INTS1: variants seen among roughly 807,000 people sequenced by gnomAD.
INTS1 encodes the protein integrator complex subunit 1.
In INTS1, 137 loss-of-function variants were observed where a neutral mutation model predicts 241.6. That is an observed-to-expected ratio of 0.57 (90% CI 0.49 to 0.65). INTS1 has a LOEUF of 0.65. Among genes scored for constraint, INTS1 ranks in the 30% least tolerant of loss-of-function variants. The pLI, the probability that INTS1 is intolerant of heterozygous loss-of-function variation, is 0.00. For synonymous variants in INTS1, 1,692 were observed against 1,337.8 expected (o/e 1.26, Z -5.78); for missense variants, 3,073 against 3,032.2 (o/e 1.01, Z -0.32).
rs1781958328 is a variant in INTS1 at position 1,480,816 on chromosome 7, C to T, written c.3949+19G>A. On this transcript the variant is annotated intron_variant, in intron 29 of 47. Coordinates refer to ENST00000404767, the MANE Select transcript of INTS1 (RefSeq NM_001080453.3). ...TCCCCAGGCTGGGTCTCTGTGCTGGCCCCACCCCTCCCCAGTACCTCGGCG... is the reference window on the plus strand; with the variant it reads ...TCCCCAGGCTGGGTCTCTGTGCTGGTCCCACCCCTCCCCAGTACCTCGGCG... 1.3e-6 allele frequency: 2 copies of T among 1,539,850 alleles called. No homozygotes were observed. Among genetic ancestry groups the T allele is most frequent in the Non-Finnish European group, 1.8e-6 (2 of 1,139,528 alleles).
Position 1,476,825 on chromosome 7 carries a change from G to C in INTS1, c.5032C>G (p.Arg1678Gly), listed in dbSNP as rs116384089. Reference sequence around the variant, plus strand: ...TCCCGGCTCTTGCCCAGCAGGACTCGGATGCACTGGTGCAGTGTGGGCCAG... The same window carrying C: ...TCCCGGCTCTTGCCCAGCAGGACTCCGATGCACTGGTGCAGTGTGGGCCAG... Reference protein sequence around the residue: ...SSWPTLHQCIRVLLGKSREQR... With the variant: ...SSWPTLHQCIGVLLGKSREQR... Residue 1678 changes from arginine to glycine, a missense_variant, in exon 36 of 48, where the codon CGA becomes GGA. Transcript: ENST00000404767. The C allele has an allele frequency of 1.2e-6, 2 of 1,612,940 alleles. No homozygotes were observed. Among genetic ancestry groups the C allele is most frequent in the Non-Finnish European group, 1.7e-6 (2 of 1,179,850 alleles).
At chr7:1,472,451 G>A (rs942966927) in intron 43 of INTS1, 65 bp from the exon 44 acceptor site, 3 of 1,168,558 alleles carry the variant, frequency 2.6e-6, no homozygotes, top group African/African-American at 3.1e-5. Context: ...TGAGGCACCA[G>A]GACCTGCCCT....
At position 1,471,149 on chromosome 7, in the gene INTS1, T is replaced by C. The variant is rs1251753979; in HGVS notation, c.6331A>G (p.Met2111Val). 6 of 1,574,770 alleles carry C rather than the reference T, an allele frequency of 3.8e-6. No homozygotes were observed. Among genetic ancestry groups the C allele is most frequent in the Non-Finnish European group, 4.3e-6 (5 of 1,161,478 alleles). ...NLAFSLALRS[M>V]QNSPSIAAAF... Reference sequence around the variant, plus strand: ...TGGCCTCACCTGGGGCTGTTCTGCATGGAGCGCAGGGCCAGGCTGAAGGCG... The same window carrying C: ...TGGCCTCACCTGGGGCTGTTCTGCACGGAGCGCAGGGCCAGGCTGAAGGCG... The change falls in exon 46 of 48, where the codon ATG becomes GTG. Residue 2111 changes from methionine (M) to valine (V), a missense_variant. Met to Val is a conservative substitution (Grantham distance 21). Coordinates refer to ENST00000404767, the MANE Select transcript of INTS1 (RefSeq NM_001080453.3).
In INTS1 at chr7:1,478,465, G is replaced by A. The variant is rs560840118; in HGVS notation, c.4531C>T (p.Arg1511Cys). ...LLRLAEALAF[R>C]QDLEVVSSTV... ...GAGCTGACCACCTCCAGGTCCTGACGGAAGGCCAGGGCCTCGGCCAGGCGC... is the reference window on the plus strand; with the variant it reads ...GAGCTGACCACCTCCAGGTCCTGACAGAAGGCCAGGGCCTCGGCCAGGCGC... The change falls in exon 33 of 48, where the codon CGT (arginine) becomes TGT (cysteine). Residue 1511 changes from arginine (R) to cysteine (C), a missense_variant. By Grantham distance (180) the Arg-to-Cys change is radical. Coordinates refer to ENST00000404767, the MANE Select transcript of INTS1 (RefSeq NM_001080453.3). 4.2e-5 allele frequency: 67 copies of A among 1,612,222 alleles called. No individual in the cohort carries two copies. In the South Asian group the frequency reaches 5.2e-4, roughly 12 times the overall value.
chr7:1,471,328 C>G, intron 45 of INTS1, 104 bp from the exon 46 acceptor site: 1 of 1,215,884 alleles, frequency 8.2e-7, no homozygotes, highest in Non-Finnish European at 1.2e-6. Flanking sequence ...GGCAGGGACC[C>G]TAGGCCCCTA....
intron 34 of INTS1, 23 bp from the exon 35 acceptor site, chr7:1,477,696 G>A: frequency 6.2e-7 from 1 of 1,602,248 alleles, no homozygotes; most frequent in Admixed American, 1.7e-5. Context: ...GGTGGCTCAG[G>A]GAAGGGCTGG....
intron 19 of INTS1, 61 bp from the exon 20 acceptor site, chr7:1,487,510 C>T: frequency 6.4e-7 from 1 of 1,552,808 alleles, no homozygotes; most frequent in Non-Finnish European, 8.7e-7. Context: ...CCCAGAACCC[C>T]TCCTCCTCCC....
intron 13 of INTS1, 75 bp downstream of exon 13, chr7:1,495,358 G>C: frequency 6.6e-7 from 1 of 1,523,440 alleles, no homozygotes; most frequent in Non-Finnish European, 8.8e-7. Flanking sequence ...GTTTGGGGCA[G>C]GGGTTGTGCG....
Position 1,497,279 on chromosome 7 carries a change from G to C in INTS1, c.1461C>G (p.Asn487Lys), listed in dbSNP as rs1203081552. The stretch of plus-strand genomic sequence containing the variant: ...GCGAGGCCCGCAGGTAGTCGTCCTT[G>C]TTGGTCAGCAGGTCCTGGAACACCA... Reference protein sequence around the residue: ...LAMVFQDLLTNKDDYLRASRA... With the variant: ...LAMVFQDLLTKKDDYLRASRA... The change falls in exon 11 of 48, where the codon AAC (asparagine) becomes AAG (lysine). Residue 487 changes from asparagine to lysine, a missense_variant. Physicochemically the swap from Asn to Lys is moderately conservative, Grantham distance 94. Transcript: ENST00000404767. The surrounding 1 kb of genome is among the most constrained non-coding windows in gnomAD (Gnocchi z 5.3). The C allele has an allele frequency of 6.2e-7, 1 of 1,613,418 alleles. No homozygotes were observed. Among genetic ancestry groups the C allele is most frequent in the African/African-American group, 1.3e-5 (1 of 75,026 alleles).
intron 16 of INTS1, 82 bp from the exon 17 acceptor site, chr7:1,489,764 G>T: frequency 1.0e-6 from 1 of 984,184 alleles, no homozygotes; most frequent in Middle Eastern, 3.2e-4. Context: ...GGCAAAGCTG[G>T]GGCAGGGACG....
intron 39 of INTS1, among the ~76,000 whole-genome samples, chr7:1,475,620 C>A (rs888153371): frequency 6.6e-6 from 1 of 152,292 alleles, no homozygotes; most frequent in African/African-American, 2.4e-5. Flanking sequence ...GGGCACGAGT[C>A]CCCAGCAGCT....
Position 1,480,392 on chromosome 7 carries a change from G to C in INTS1, c.3999C>G (p.Gly1333=). Residue 1333 remains glycine (G), a synonymous_variant, in exon 30 of 48, where the codon GGC becomes GGG. Transcript: ENST00000404767. ...GGGTCCCCACCCGAATCCGGCCCTG[G>C]CCTATGGGCTGCTCTGGGCTGCTCT... The part of the protein sequence containing the change: ...KPKSSPEQPI[G]QGRIRVGTQL... 1 of 1,613,164 alleles carries C rather than the reference G, an allele frequency of 6.2e-7. No individual in the cohort carries two copies. Among genetic ancestry groups the C allele is most frequent in the Non-Finnish European group, 8.5e-7 (1 of 1,179,696 alleles).
Position 1,482,664 on chromosome 7 carries a change from C to T in INTS1, c.3585G>A (p.Pro1195=), listed in dbSNP as rs371444064. The T allele has an allele frequency of 1.1e-4, 181 of 1,612,748 alleles. 4 individuals carry two copies. The South Asian group carries it at 1.6e-3, about 14-fold the overall frequency. The change falls in exon 27 of 48, where the codon CCG becomes CCA. Residue 1195 remains proline, a synonymous_variant. Coordinates refer to ENST00000404767, the MANE Select transcript of INTS1 (RefSeq NM_001080453.3). ...AGGCGGTGGGCAGTGGCTTCTCCTC[C>T]GGAAACCAGATGTCCAGCAGCGCCT... ...EFQALLDIWF[P]EEKPLPTAFL...
In INTS1 at chr7:1,482,699, TGTC is replaced by T. The variant is rs755216644; in HGVS notation, c.3547_3549del (p.Asp1183del). 2.5e-6 allele frequency: 4 copies of T among 1,612,484 alleles called. No homozygotes were observed. The highest frequency in any genetic ancestry group is 3.4e-6 in the Non-Finnish European group (4 of 1,179,782). ...ATGTCCAGCAGCGCCTGGAACTCGC[TGTC>T]GTCGGCTTCAGGAAGGACAACGGGT... is the stretch of plus-strand genomic sequence containing the variant. On this transcript the variant is annotated inframe_deletion, in exon 27 of 48. Transcript: ENST00000404767.
In INTS1 at chr7:1,479,659, C is replaced by A; in HGVS notation, c.4100G>T (p.Arg1367Leu). 2 of 1,490,392 alleles carry A rather than the reference C, an allele frequency of 1.3e-6. No individual in the cohort carries two copies. The highest frequency in any genetic ancestry group is 1.8e-6 in the Non-Finnish European group (2 of 1,117,228). The allele number at this position is 1,490,392 out of a possible 1,614,324, so 92.3% of individuals were successfully genotyped here. A position where few individuals can be genotyped will look rare whatever the true frequency, so the allele number is the denominator to read the frequency against. ...GGGGCGGGGACTGGAGCTCTGCCAC[C>A]GAGGGTCCGGGCTGAGCGGGAAAAT... ...LQIFPLSPDPRWQSSSPRPVA... is the reference protein window; with the variant it reads ...LQIFPLSPDPLWQSSSPRPVA... Residue 1367 changes from arginine (R) to leucine (L), a missense_variant, in exon 31 of 48, where the codon CGG becomes CTG. Coordinates refer to ENST00000404767, the MANE Select transcript of INTS1 (RefSeq NM_001080453.3).
chr7:1,477,988 C>A (rs1027918085), intron 33 of INTS1, 52 bp from the exon 34 acceptor site: 1 of 1,518,806 alleles, frequency 6.6e-7, no homozygotes, highest in Non-Finnish European at 9.1e-7. Context: ...GGGTGGGGGC[C>A]GCTGAGTGGG....
At chr7:1,482,858 C>T in intron 26 of INTS1, 151 bp from the exon 27 acceptor site, 2 of 863,222 alleles carry the variant, frequency 2.3e-6, no homozygotes, top group East Asian at 2.5e-5. Flanking sequence ...TGAGCACTTG[C>T]TATGTGCGGA....
At chr7:1,502,565 A>G (rs1300273453) in intron 3 of INTS1, among the ~76,000 whole-genome samples, 1 of 152,178 alleles carries the variant, frequency 6.6e-6, no homozygotes, top group Non-Finnish European at 1.5e-5. Context: ...AACCTTGAGA[A>G]CAGACACCTG....
At position 1,470,889 on chromosome 7, in the gene INTS1, C is replaced by G. The variant is rs771656306; in HGVS notation, c.6414G>C (p.Gln2138His). ...ACTCAGGCAGGTTCCGGAGGGCCGT[C>G]TGCACCACCTCAAAGTCCTGGCTGC... ...CLGSQDFEVV[Q>H]TALRNLPEYA... The change falls in exon 47 of 48, where the codon CAG (glutamine) becomes CAC (histidine). Residue 2138 changes from glutamine (Q) to histidine (H), a missense_variant. Transcript: ENST00000404767. The G allele has an allele frequency of 1.3e-5, 21 of 1,594,366 alleles. No individual in the cohort carries two copies. The highest frequency in any genetic ancestry group is 1.6e-5 in the Non-Finnish European group (19 of 1,171,548).
Sources: allele counts gnomAD v4.1 joint callset (sites outside exome capture counted in the v4.1 genomes callset), GRCh38; gene constraint gnomAD v4.1.1; non-coding constraint Gnocchi (gnomAD v3.1); transcripts MANE v1.5; gene names NCBI Gene and HGNC (gene_info 2026-07-23, HGNC 2026-07-21).